Variants in TNPO1 observed in about 807,000 individuals in gnomAD.
TNPO1 encodes the protein transportin-1.
Under a neutral mutation model 119.5 loss-of-function variants are expected in TNPO1, and 8 were observed. The observed-to-expected ratio is 0.07, with a 90% CI of 0.04 to 0.12. The LOEUF is 0.12. TNPO1 is among the 10% of genes least tolerant of loss of function. TNPO1 has a pLI of 1.00. For synonymous variants in TNPO1, 362 were observed against 363.0 expected, an observed-to-expected ratio of 1.00 and a Z score of 0.03; for missense variants, 576 against 1,089.8, an observed-to-expected ratio of 0.53 and a Z score of 6.64.
intron 1 of TNPO1, among the ~76,000 whole-genome samples, chr5:72,846,596 T>G (rs1433719206): frequency 6.6e-6 from 1 of 152,188 alleles, no homozygotes; most frequent in African/African-American, 2.4e-5. Flanking sequence ...TTTAAAAGTT[T>G]CTGAAGTTAA....
Position 72,865,675 on chromosome 5 carries a change from A to G in TNPO1, c.542A>G (p.Asn181Ser), listed in dbSNP as rs1040521206. 5.0e-6 allele frequency: 8 copies of G among 1,613,758 alleles called. No individual in the cohort carries two copies. Among genetic ancestry groups the G allele is most frequent in the Non-Finnish European group, 6.8e-6 (8 of 1,179,872 alleles). The change falls in exon 6 of 25, where the codon AAC becomes AGC. Residue 181 changes from asparagine (N) to serine (S), a missense_variant. Asn to Ser is a conservative substitution (Grantham distance 46). Around this residue, in one of 6 missense-constraint regions of TNPO1, gnomAD observed 310 missense variants for 583.0 expected, o/e 0.53. Coordinates refer to ENST00000337273, the MANE Select transcript of TNPO1 (RefSeq NM_002270.4). ...LDSDVLDRPL[N>S]IMIPKFLQFF... ...AGTGATGTTTTAGATCGTCCTCTCAACATCATGATTCCCAAATTTTTACAG... is the reference window on the plus strand; with the variant it reads ...AGTGATGTTTTAGATCGTCCTCTCAGCATCATGATTCCCAAATTTTTACAG...
chr5:72,836,252 C>G (rs1744688960), intron 1 of TNPO1, among the ~76,000 whole-genome samples: 1 of 152,248 alleles, frequency 6.6e-6, no homozygotes, highest in Non-Finnish European at 1.5e-5. Flanking sequence ...GGTGGCCCCA[C>G]CCTGTGATGG....
chr5:72,861,162 C>T (rs1001920464), intron 4 of TNPO1, among the ~76,000 whole-genome samples: 14 of 152,080 alleles, frequency 9.2e-5, no homozygotes, highest in Admixed American at 5.9e-4. Context: ...CCACCCACCT[C>T]GGCCTCCCAA....
At chr5:72,856,952 A>G (rs1215442868) in intron 4 of TNPO1, among the ~76,000 whole-genome samples, 1 of 152,194 alleles carries the variant, frequency 6.6e-6, no homozygotes, top group East Asian at 1.9e-4. Flanking sequence ...TAACTTCTAC[A>G]AGGACCTGGA....
At chr5:72,894,394 G>A (rs889482885) in intron 18 of TNPO1, among the ~76,000 whole-genome samples, 2 of 152,098 alleles carry the variant, frequency 1.3e-5, no homozygotes, top group African/African-American at 4.8e-5. Flanking sequence ...TAATACAGCC[G>A]GGCACGGCGG....
chr5:72,889,336 G>A (rs1273959214), intron 13 of TNPO1, among the ~76,000 whole-genome samples: 1 of 152,178 alleles, frequency 6.6e-6, no homozygotes, highest in Non-Finnish European at 1.5e-5. Context: ...GGGATTGCAG[G>A]CGTGAGCCAC....
chr5:72,820,187 G>A (rs1034957355), intron 1 of TNPO1, among the ~76,000 whole-genome samples: 3 of 151,850 alleles, frequency 2.0e-5, no homozygotes, highest in Admixed American at 2.0e-4. Flanking sequence ...ATGTTTGTGT[G>A]GATTTCTCAT....
At chr5:72,861,056 G>A (rs965416246) in intron 4 of TNPO1, among the ~76,000 whole-genome samples, 1 of 151,924 alleles carries the variant, frequency 6.6e-6, no homozygotes, top group Non-Finnish European at 1.5e-5. Context: ...GAGATTACAG[G>A]CATGCACCAC....
intron 9 of TNPO1, among the ~76,000 whole-genome samples, chr5:72,881,085 T>G (rs1384844813): frequency 6.6e-6 from 1 of 151,970 alleles, no homozygotes; most frequent in East Asian, 1.9e-4. Context: ...GCCCTTGACC[T>G]CTTTGTGTTC....
intron 1 of TNPO1, among the ~76,000 whole-genome samples, chr5:72,838,482 A>T (rs1156536853): frequency 6.6e-6 from 1 of 152,170 alleles, no homozygotes; most frequent in Non-Finnish European, 1.5e-5. Flanking sequence ...TTAACTTAAC[A>T]ATTTCAGATG....
chr5:72,831,113 T>C (rs1380215421), intron 1 of TNPO1, among the ~76,000 whole-genome samples: 1 of 152,126 alleles, frequency 6.6e-6, no homozygotes, highest in Non-Finnish European at 1.5e-5. Context: ...TTATTTATTT[T>C]TGCAGTAGAG....
At position 72,851,659 on chromosome 5, in the gene TNPO1, T is replaced by A. The variant is rs540741962; in HGVS notation, c.205+340T>A. Among the ~76,000 whole-genome samples the A allele has an allele frequency of 3.3e-5, 5 of 152,230 alleles. No individual in the cohort carries two copies. The East Asian group carries it at 9.7e-4, about 29-fold the overall frequency. ...GGCATGCGCCATCACATCCAGCTAATTTTTTTGTATTTTTAGTAGAGACAG... is the reference window on the plus strand; with the variant it reads ...GGCATGCGCCATCACATCCAGCTAAATTTTTTGTATTTTTAGTAGAGACAG... On this transcript the variant is annotated intron_variant, in intron 3 of 24. Coordinates refer to ENST00000337273, the MANE Select transcript of TNPO1 (RefSeq NM_002270.4).
chr5:72,849,925 A>G (rs564832530), intron 2 of TNPO1, among the ~76,000 whole-genome samples: 4 of 152,304 alleles, frequency 2.6e-5, no homozygotes, highest in Admixed American at 2.0e-4. Flanking sequence ...GTGGCACCAT[A>G]TATCATAATT....
At chr5:72,832,662 A>G (rs1744526233) in intron 1 of TNPO1, among the ~76,000 whole-genome samples, 1 of 152,164 alleles carries the variant, frequency 6.6e-6, no homozygotes, top group African/African-American at 2.4e-5. Context: ...CTCCTGTTGT[A>G]AAGTGTTAGT....
At position 72,909,142 on chromosome 5, in the gene TNPO1, A is replaced by G. The variant is rs1750383290; in HGVS notation, c.*469A>G. 6.5e-6 allele frequency: 1 copy of G among 152,914 alleles called. No individual in the cohort carries two copies. Among genetic ancestry groups the G allele is most frequent in the African/African-American group, 2.4e-5 (1 of 41,232 alleles). The allele number at this position is 152,914 out of a possible 1,614,324, so 9.5% of individuals were successfully genotyped here. ...AAGCTTTTTTTTTTTTTTTAATTTAAAGTTTTTTTATGTAAGTTTTCCCAC... is the reference window on the plus strand; with the variant it reads ...AAGCTTTTTTTTTTTTTTTAATTTAGAGTTTTTTTATGTAAGTTTTCCCAC... On this transcript the variant is annotated 3_prime_UTR_variant, in exon 25 of 25. Coordinates refer to ENST00000337273, the MANE Select transcript of TNPO1 (RefSeq NM_002270.4).
In TNPO1 at chr5:72,888,225, C is replaced by T. The variant is rs140988378; in HGVS notation, c.1451C>T (p.Thr484Met). 130 of 1,613,994 alleles carry T rather than the reference C, an allele frequency of 8.1e-5. No individual in the cohort carries two copies. The highest frequency in any genetic ancestry group is 9.6e-5 in the Non-Finnish European group (113 of 1,180,036). ...TGGGTGGTCAGCCAGCCGCCAGACACGTACCTGAAGCCATTAATGACAGAA... is the reference window on the plus strand; with the variant it reads ...TGGGTGGTCAGCCAGCCGCCAGACATGTACCTGAAGCCATTAATGACAGAA... ...AHWVVSQPPD[T>M]YLKPLMTELL... Residue 484 changes from threonine (T) to methionine (M), a missense_variant, in exon 13 of 25, where the codon ACG (threonine) becomes ATG (methionine). Physicochemically the swap from Thr to Met is moderately conservative, Grantham distance 81 (BLOSUM62 -1). Transcript: ENST00000337273.
At chr5:72,848,089 C>A in intron 1 of TNPO1, 1 of 1,112,672 alleles carries the variant, frequency 9.0e-7, no homozygotes, top group South Asian at 2.9e-5. Flanking sequence ...CTCCCGTGAG[C>A]GGATCTTGGG....
intron 9 of TNPO1, among the ~76,000 whole-genome samples, chr5:72,877,678 T>G (rs1349583368): frequency 1.3e-5 from 2 of 152,176 alleles, no homozygotes; most frequent in East Asian, 3.8e-4. Context: ...AGTTTTGTTT[T>G]TTTTCCAAAA....
At chr5:72,896,652 C>T in intron 19 of TNPO1, 96 bp downstream of exon 19, 2 of 890,714 alleles carry the variant, frequency 2.2e-6, no homozygotes, top group South Asian at 3.3e-5. Flanking sequence ...GGCAGATCAC[C>T]TGAGGTCAGG....
Sources: allele counts gnomAD v4.1 joint callset (sites outside exome capture counted in the v4.1 genomes callset), GRCh38; gene constraint gnomAD v4.1.1; regional missense constraint gnomAD v4.1.1; transcripts MANE v1.5; gene names NCBI Gene and HGNC (gene_info 2026-07-23, HGNC 2026-07-21).